Variants in TRIP13 observed in about 807,000 individuals in gnomAD.
TRIP13 encodes thyroid hormone receptor interactor 13.
In TRIP13, 25 loss-of-function variants were observed where a neutral mutation model predicts 54.4. The ratio of observed to expected loss-of-function variants is 0.46; its 90% CI spans 0.33 to 0.64. The LOEUF is 0.64. Ranked by LOEUF, TRIP13 falls within the 30% of genes least tolerant of loss-of-function variation. The pLI, the probability that TRIP13 is intolerant of heterozygous loss-of-function variation, is 0.02. For synonymous variants in TRIP13, 207 were observed against 207.8 expected (o/e 1.00, Z 0.03); for missense variants, 373 against 534.2 (o/e 0.70, Z 2.97).
At position 908,091 on chromosome 5, in the gene TRIP13, A is replaced by G. The variant is rs141364266; in HGVS notation, c.759+17A>G. The G allele has an allele frequency of 2.1e-4, 333 of 1,612,936 alleles. 5 individuals carry two copies. The East Asian group carries it at 7.2e-3, about 35-fold the overall frequency. On this transcript the variant is annotated intron_variant, in intron 8 of 12. Coordinates refer to ENST00000166345, the MANE Select transcript of TRIP13 (RefSeq NM_004237.4). The surrounding 1 kb of genome is among the most constrained non-coding windows in gnomAD (Gnocchi z 5.2). ...ATTGATGAGGTAGGCATTTCCAGATAAGGAAATTCATGACAGAATCGCCTT... is the reference window on the plus strand; with the variant it reads ...ATTGATGAGGTAGGCATTTCCAGATGAGGAAATTCATGACAGAATCGCCTT...
chr5:902,986 T>G (rs1229065677), intron 5 of TRIP13, among the ~76,000 whole-genome samples: 1 of 152,122 alleles, frequency 6.6e-6, no homozygotes, highest in Non-Finnish European at 1.5e-5. Context: ...CAGAGCCAGG[T>G]GTACAGGATG....
rs1412198781 is a variant in TRIP13, at chr5:917,245, A to G, written c.*142A>G. On this transcript the variant is annotated 3_prime_UTR_variant, in exon 13 of 13. Transcript: ENST00000166345. ...TGCAAGCTAGAAAGCCACCAAGGCC[A>G]GGCTTTGTTAAAAGAAGTGTATTCT... 2 of 681,388 alleles carry G rather than the reference A, an allele frequency of 2.9e-6. No individual in the cohort carries two copies. The highest frequency in any genetic ancestry group is 5.6e-5 in the East Asian group (2 of 35,878). The allele number at this position is 681,388 out of a possible 1,614,324, so 42.2% of individuals were successfully genotyped here.
In TRIP13 at chr5:911,797, A is replaced by G; in HGVS notation, c.867-46A>G. The G allele has an allele frequency of 6.3e-7, 1 of 1,577,176 alleles. No individual in the cohort carries two copies. The highest frequency in any genetic ancestry group is 8.6e-7 in the Non-Finnish European group (1 of 1,161,004). ...AGATAGGGCAGGATAGAATTGGGTC[A>G]CCGACAGCCGTGATGACTGTGGTGC... On this transcript the variant is annotated intron_variant, in intron 9 of 12. Transcript: ENST00000166345. The surrounding 1 kb of genome is among the most constrained non-coding windows in gnomAD (Gnocchi z 4.7).
At chr5:895,522 G>A (rs1753895502) in intron 2 of TRIP13, among the ~76,000 whole-genome samples, 1 of 152,180 alleles carries the variant, frequency 6.6e-6, no homozygotes, top group Non-Finnish European at 1.5e-5. Flanking sequence ...TTCCTGTCCT[G>A]TAAGAACCAG....
chr5:905,585 AAGTT>A (rs889157479), intron 6 of TRIP13, among the ~76,000 whole-genome samples: 2 of 151,594 alleles, frequency 1.3e-5, no homozygotes, highest in Admixed American at 6.6e-5. Context: ...CCCGGCAAGA[AAGTT>A]AGAGCATTTG....
intron 10 of TRIP13, 56 bp from the exon 11 acceptor site, chr5:914,409 G>C (rs891224135): frequency 4.8e-6 from 6 of 1,246,086 alleles, no homozygotes; most frequent in Non-Finnish European, 7.0e-6. Context: ...TGCTGACGGT[G>C]CCTACGCTCA....
In TRIP13 at chr5:908,201, T is replaced by C; in HGVS notation, c.759+127T>C. On this transcript the variant is annotated intron_variant, in intron 8 of 12. Coordinates refer to ENST00000166345, the MANE Select transcript of TRIP13 (RefSeq NM_004237.4). This position sits in a 1 kb window ranked among gnomAD's most constrained non-coding sequence, Gnocchi z 5.2. ...GGCTGCCCTCTATCCCTCCCTGCAC[T>C]GTGCGCCTTTCCACCTTGCCGCAGC... The C allele has an allele frequency of 8.0e-6, 11 of 1,373,666 alleles. No homozygotes were observed. Among genetic ancestry groups the C allele is most frequent in the South Asian group, 3.6e-5 (3 of 82,588 alleles). 85.1% of individuals were successfully genotyped at this position (1,373,666 alleles called of 1,614,324 possible).
chr5:918,646 A>C (rs1311297703), downstream of TRIP13, among the ~76,000 whole-genome samples: 1 of 152,172 alleles, frequency 6.6e-6, no homozygotes, highest in Non-Finnish European at 1.5e-5. This position sits in a 1 kb window ranked among gnomAD's most constrained non-coding sequence, Gnocchi z 4.3. Flanking sequence ...GGAGTTTATT[A>C]AGTATTAACT....
rs182220505 is a variant in TRIP13 at position 910,165 on chromosome 5, C to T, written c.867-1678C>T. Among the ~76,000 whole-genome samples, 5 of 152,334 alleles carry T rather than the reference C, an allele frequency of 3.3e-5. No homozygotes were observed. In the East Asian group the frequency reaches 5.8e-4, roughly 18 times the overall value. On this transcript the variant is annotated intron_variant, in intron 9 of 12. Transcript: ENST00000166345. Reference sequence around the variant, plus strand: ...ACTGCAATCTGGCTCCTGCCCCCGCCGCAGCCCAGCAGCCCCGCATTCACA... The same window carrying T: ...ACTGCAATCTGGCTCCTGCCCCCGCTGCAGCCCAGCAGCCCCGCATTCACA...
chr5:893,211 G>A, intron 1 of TRIP13, 121 bp downstream of exon 1: 1 of 990,490 alleles, frequency 1.0e-6, no homozygotes, highest in South Asian at 1.6e-5. Flanking sequence ...GTACTGATCC[G>A]GCCCGACTGG....
chr5:900,324 C>G (rs893090344), intron 3 of TRIP13, among the ~76,000 whole-genome samples, 170 bp from the exon 4 acceptor site: 2 of 152,116 alleles, frequency 1.3e-5, no homozygotes, highest in African/African-American at 4.8e-5. Context: ...TAATAAAAAT[C>G]AAAATTTGAA....
At chr5:900,299 T>C (rs1753954761) in intron 3 of TRIP13, among the ~76,000 whole-genome samples, 195 bp from the exon 4 acceptor site, 1 of 152,234 alleles carries the variant, frequency 6.6e-6, no homozygotes, top group African/African-American at 2.4e-5. Flanking sequence ...GGCATTTATT[T>C]TGCATCTTTG....
At chr5:910,655 T>C (rs1754211947) in intron 9 of TRIP13, among the ~76,000 whole-genome samples, 1 of 152,158 alleles carries the variant, frequency 6.6e-6, no homozygotes, top group Non-Finnish European at 1.5e-5. Context: ...CTCTCTTGCC[T>C]TCATTCCCTC....
At position 917,076 on chromosome 5, in the gene TRIP13, G is replaced by A. The variant is rs759305318; in HGVS notation, c.1272G>A (p.Glu424=). The change falls in exon 13 of 13, where the codon GAG becomes GAA. Residue 424 remains glutamate, a synonymous_variant. Coordinates refer to ENST00000166345, the MANE Select transcript of TRIP13 (RefSeq NM_004237.4). ...TGGCAGTGGACAAGCAGTTTGAAGAGAGAAAGAAGCTTGCAGCTTACATCT... is the reference window on the plus strand; with the variant it reads ...TGGCAGTGGACAAGCAGTTTGAAGAAAGAAAGAAGCTTGCAGCTTACATCT... ...LSLAVDKQFE[E]RKKLAAYI 11 of 1,614,122 alleles carry A rather than the reference G, an allele frequency of 6.8e-6. No homozygotes were observed. In the Admixed American group the frequency reaches 1.8e-4, roughly 27 times the overall value.
chr5:903,909 G>A (rs1754050528), intron 5 of TRIP13, among the ~76,000 whole-genome samples: 2 of 152,160 alleles, frequency 1.3e-5, no homozygotes, highest in South Asian at 2.1e-4. Flanking sequence ...GGGTGGGGAG[G>A]CGATGGAGGC....
rs774451390 is a variant in TRIP13 at position 912,692 on chromosome 5, G to A, written c.1020+696G>A. 5.9e-5 allele frequency among the ~76,000 whole-genome samples: 9 copies of A among 151,806 alleles called. No homozygotes were observed. Among genetic ancestry groups the A allele is most frequent in the Admixed American group, 2.0e-4 (3 of 15,250 alleles). ...GCCGTCGCCATGGGCACAGTGACGC[G>A]TGTGGTGAGTGTGCGTGAGTCTGGA... is the stretch of plus-strand genomic sequence containing the variant. On this transcript the variant is annotated intron_variant, in intron 10 of 12. Transcript: ENST00000166345. This position sits in a 1 kb window ranked among gnomAD's most constrained non-coding sequence, Gnocchi z 7.2.
In TRIP13 at chr5:893,020, C is replaced by T. The variant is rs761941191; in HGVS notation, c.22C>T (p.Leu8=). Residue 8 remains leucine (L), a synonymous_variant, in exon 1 of 13, where the codon CTG becomes TTG. Coordinates refer to ENST00000166345, the MANE Select transcript of TRIP13 (RefSeq NM_004237.4). MDEAVGD[L]KQALPCVAES... Reference sequence around the variant, plus strand: ...CGCCATGGACGAGGCCGTGGGCGACCTGAAGCAGGCGCTTCCCTGTGTGGC... The same window carrying T: ...CGCCATGGACGAGGCCGTGGGCGACTTGAAGCAGGCGCTTCCCTGTGTGGC... 6.3e-7 allele frequency: 1 copy of T among 1,590,736 alleles called. No individual in the cohort carries two copies. The highest frequency in any genetic ancestry group is 1.4e-5 in the African/African-American group (1 of 73,668).
intron 9 of TRIP13, among the ~76,000 whole-genome samples, chr5:909,838 G>A (rs989236860): frequency 6.6e-6 from 1 of 152,372 alleles, no homozygotes; most frequent in African/African-American, 2.4e-5. Context: ...GGCACAGATC[G>A]CTCATGCTAT....
At position 907,923 on chromosome 5, in the gene TRIP13, G is replaced by C; in HGVS notation, c.673-65G>C. On this transcript the variant is annotated intron_variant, in intron 7 of 12. Transcript: ENST00000166345. The surrounding 1 kb of genome is among the most constrained non-coding windows in gnomAD (Gnocchi z 4.1). ...AACTGGGGCAGCAGGCCACATCAGG[G>C]TCCCCCTGTGCACCTGGCAGTGTGG... 5 of 1,543,018 alleles carry C rather than the reference G, an allele frequency of 3.2e-6. No homozygotes were observed. In the South Asian group the frequency reaches 5.6e-5, roughly 17 times the overall value.
Sources: allele counts gnomAD v4.1 joint callset (sites outside exome capture counted in the v4.1 genomes callset), GRCh38; gene constraint gnomAD v4.1.1; non-coding constraint Gnocchi (gnomAD v3.1); transcripts MANE v1.5; gene names NCBI Gene and HGNC (gene_info 2026-07-23, HGNC 2026-07-21).